Variants in WWOX observed in about 807,000 individuals in gnomAD.
WWOX encodes WW domain containing oxidoreductase, also known as WW domain-containing oxidoreductase.
In WWOX, 69 loss-of-function variants were observed where a neutral mutation model predicts 46.2. The observed-to-expected ratio is 1.49, with a 90% CI of 1.23 to 1.82. WWOX has a LOEUF of 1.82. WWOX is among the 40% of genes most tolerant of loss of function. The pLI is 0.00. For missense variants in WWOX, 919 were observed against 542.6 expected, an observed-to-expected ratio of 1.69 and a Z score of -6.89; for synonymous variants, 359 against 202.6, an observed-to-expected ratio of 1.77 and a Z score of -6.56.
intron 5 of WWOX, among the ~76,000 whole-genome samples, chr16:78,378,411 A>G (rs2081879568): frequency 6.6e-6 from 1 of 152,194 alleles, no homozygotes; most frequent in South Asian, 2.1e-4. Context: ...AGAGAAAAGA[A>G]TCACTAGTCA....
intron 5 of WWOX, among the ~76,000 whole-genome samples, chr16:78,368,839 C>G (rs1453631633): frequency 1.3e-5 from 2 of 152,182 alleles, no homozygotes; most frequent in East Asian, 3.9e-4. Flanking sequence ...CGAATGTGGC[C>G]CTGTGCCGGT....
At chr16:78,656,745 C>T (rs1023762949) in intron 8 of WWOX, among the ~76,000 whole-genome samples, 1 of 152,190 alleles carries the variant, frequency 6.6e-6, no homozygotes, top group Admixed American at 6.5e-5. Flanking sequence ...CGTGGATCTT[C>T]CTGGCTCTCC....
intron 3 of WWOX, among the ~76,000 whole-genome samples, chr16:78,114,096 T>G (rs2032645676): frequency 6.6e-6 from 1 of 151,114 alleles, no homozygotes; most frequent in Non-Finnish European, 1.5e-5. Context: ...TGCCTTTTTT[T>G]TTTTTTTTTT....
chr16:78,965,956 G>C (rs1597214869), intron 8 of WWOX, among the ~76,000 whole-genome samples: 1 of 152,188 alleles, frequency 6.6e-6, no homozygotes, highest in African/African-American at 2.4e-5. Context: ...CCAAAGTAGA[G>C]TTGGAGGAAG....
intron 8 of WWOX, among the ~76,000 whole-genome samples, chr16:78,994,675 C>G (rs1409949354): frequency 6.6e-6 from 1 of 152,142 alleles, no homozygotes; most frequent in Non-Finnish European, 1.5e-5. Flanking sequence ...TCGCGTCACA[C>G]TGTAATAGAC....
intron 8 of WWOX, among the ~76,000 whole-genome samples, chr16:78,945,230 C>G (rs1212971713): frequency 6.6e-6 from 1 of 151,998 alleles, no homozygotes; most frequent in Non-Finnish European, 1.5e-5. Flanking sequence ...ATATGTAGAA[C>G]AAATGAAAAC....
chr16:78,469,472 C>T (rs2084169418), intron 8 of WWOX, among the ~76,000 whole-genome samples: 1 of 152,148 alleles, frequency 6.6e-6, no homozygotes, highest in African/African-American at 2.4e-5. Context: ...AGATGACAGG[C>T]TCCGCAGTGA....
At chr16:78,645,771 T>C (rs1283651249) in intron 8 of WWOX, among the ~76,000 whole-genome samples, 1 of 152,058 alleles carries the variant, frequency 6.6e-6, no homozygotes, top group Non-Finnish European at 1.5e-5. Context: ...CAACATGAGA[T>C]TTGGAAGCAA....
chr16:78,388,860 T>C (rs2082116676), intron 6 of WWOX, among the ~76,000 whole-genome samples: 1 of 151,624 alleles, frequency 6.6e-6, no homozygotes, highest in African/African-American at 2.4e-5. Context: ...TCCCAGCTAC[T>C]TGGGAGGCTG....
At chr16:79,046,464 CTAAGAT>C (rs1204840522) in intron 8 of WWOX, among the ~76,000 whole-genome samples, 1 of 152,178 alleles carries the variant, frequency 6.6e-6, no homozygotes, top group Admixed American at 6.5e-5. Flanking sequence ...ACTGGGAAGT[CTAAGAT>C]TAAGGCAGTG....
At chr16:79,058,941 A>C (rs2048313085) in intron 8 of WWOX, among the ~76,000 whole-genome samples, 1 of 152,232 alleles carries the variant, frequency 6.6e-6, no homozygotes, top group Non-Finnish European at 1.5e-5. Context: ...AATAGAGATC[A>C]GTAAAGGTAA....
chr16:78,784,587 A>C (rs2050409589), intron 8 of WWOX, among the ~76,000 whole-genome samples: 1 of 152,166 alleles, frequency 6.6e-6, no homozygotes, highest in African/African-American at 2.4e-5. Flanking sequence ...GAATTGTCGC[A>C]AAGAGCTGTT....
chr16:78,411,127 C>T (rs999977726), intron 6 of WWOX, among the ~76,000 whole-genome samples: 2 of 152,082 alleles, frequency 1.3e-5, no homozygotes, highest in Admixed American at 6.5e-5. Flanking sequence ...TTTCTATATT[C>T]TGTTAGTTAG....
intron 4 of WWOX, among the ~76,000 whole-genome samples, chr16:78,142,431 A>G (rs996802602): frequency 1.3e-4 from 20 of 152,218 alleles, no homozygotes; most frequent in African/African-American, 4.6e-4. Context: ...ATCAAGCTGC[A>G]AAAGAACTAG....
At chr16:78,465,637 C>G (rs1429004485) in intron 8 of WWOX, among the ~76,000 whole-genome samples, 2 of 152,220 alleles carry the variant, frequency 1.3e-5, no homozygotes, top group Admixed American at 6.5e-5. Context: ...ATATTTTCCA[C>G]CTATAAAACC....
chr16:78,816,029 C>G (rs1201605698), intron 8 of WWOX, among the ~76,000 whole-genome samples: 6 of 152,192 alleles, frequency 3.9e-5, no homozygotes, highest in African/African-American at 1.2e-4. Flanking sequence ...GCCAAGTGGT[C>G]ATAGCCAGAA....
At chr16:79,107,809 A>T (rs1265063224) in intron 8 of WWOX, among the ~76,000 whole-genome samples, 1 of 152,232 alleles carries the variant, frequency 6.6e-6, no homozygotes, top group Admixed American at 6.5e-5. Flanking sequence ...TCACAAAATT[A>T]TAATCACAAA....
In WWOX at chr16:78,671,616, T is replaced by G. The variant is rs191936397; in HGVS notation, c.1056+238864T>G. Among the ~76,000 whole-genome samples the G allele has an allele frequency of 3.9e-5, 6 of 152,154 alleles. No homozygotes were observed. In the East Asian group the frequency reaches 7.8e-4, roughly 20 times the overall value. Reference sequence around the variant, plus strand: ...AGCCCTGATTTTCTTACCTATAAAGTAGAGATTCCCTATCTCATTTGGAGG... The same window carrying G: ...AGCCCTGATTTTCTTACCTATAAAGGAGAGATTCCCTATCTCATTTGGAGG... On this transcript the variant is annotated intron_variant, in intron 8 of 8. Coordinates refer to ENST00000566780, the MANE Select transcript of WWOX (RefSeq NM_016373.4).
intron 5 of WWOX, among the ~76,000 whole-genome samples, chr16:78,373,999 C>G (rs573216383): frequency 7.2e-5 from 11 of 152,192 alleles, no homozygotes; most frequent in Non-Finnish European, 1.5e-4. Flanking sequence ...GTTGGCCAGG[C>G]TGGTCTTGAA....
Sources: allele counts gnomAD v4.1 joint callset (sites outside exome capture counted in the v4.1 genomes callset), GRCh38; gene constraint gnomAD v4.1.1; transcripts MANE v1.5; gene names NCBI Gene and HGNC (gene_info 2026-07-23, HGNC 2026-07-21).